DOCK4: variants seen among roughly 807,000 people sequenced by gnomAD.
The protein encoded by DOCK4 is dedicator of cytokinesis 4.
Under a neutral mutation model 268.1 loss-of-function variants are expected in DOCK4, and 97 were observed. The ratio of observed to expected loss-of-function variants is 0.36; its 90% CI spans 0.31 to 0.43. DOCK4 has a LOEUF of 0.43. Ranked by LOEUF, DOCK4 falls within the 20% of genes least tolerant of loss-of-function variation. The pLI is 1.00. For missense variants in DOCK4, 2,145 were observed against 2,455.7 expected (o/e 0.87, Z 2.67); for synonymous variants, 954 against 887.2 (o/e 1.08, Z -1.34).
At chr7:112,094,512 T>C (rs1270091299) in intron 1 of DOCK4, among the ~76,000 whole-genome samples, 1 of 152,176 alleles carries the variant, frequency 6.6e-6, no homozygotes, top group East Asian at 1.9e-4. Context: ...TGTAGCAAAC[T>C]TGAAATTCAA....
At chr7:111,888,457 T>C (rs1259004863) in intron 16 of DOCK4, among the ~76,000 whole-genome samples, 1 of 151,594 alleles carries the variant, frequency 6.6e-6, no homozygotes, top group Non-Finnish European at 1.5e-5. Context: ...GGTCAGAATA[T>C]TGGGAGTTTA....
At chr7:111,729,989 G>A (rs1319216207) in intron 52 of DOCK4, among the ~76,000 whole-genome samples, 1 of 152,066 alleles carries the variant, frequency 6.6e-6, no homozygotes, top group African/African-American at 2.4e-5. Flanking sequence ...TAGGAGTTCT[G>A]GCCACAATGG....
intron 8 of DOCK4, among the ~76,000 whole-genome samples, chr7:111,976,269 TTATATATA>T (rs60146972): frequency 0.13 from 4,148 of 32,754 alleles, 362 homozygotes; most frequent in Admixed American, 0.16. Flanking sequence ...TGTGTGTCTA[TTATATATA>T]TATATATATA....
intron 8 of DOCK4, among the ~76,000 whole-genome samples, chr7:111,948,745 C>T (rs1304264235): frequency 1.3e-5 from 2 of 151,892 alleles, no homozygotes; most frequent in East Asian, 3.9e-4. Flanking sequence ...CAGGTGTGCA[C>T]CACCACGCCT....
chr7:111,780,227 G>C (rs115642807), intron 35 of DOCK4, among the ~76,000 whole-genome samples: 2 of 152,060 alleles, frequency 1.3e-5, no homozygotes, highest in African/African-American at 2.4e-5. Flanking sequence ...TTCTAACTTT[G>C]AGACACTGAT....
chr7:111,728,822 C>T, intron 52 of DOCK4, 102 bp from the exon 53 acceptor site: 11 of 1,153,860 alleles, frequency 9.5e-6, no homozygotes, highest in East Asian at 2.7e-5. Context: ...GCCCCCAGCA[C>T]CCCCAAAGCC....
chr7:111,929,679 T>A (rs1257451906), intron 12 of DOCK4, among the ~76,000 whole-genome samples: 1 of 151,622 alleles, frequency 6.6e-6, no homozygotes, highest in African/African-American at 2.4e-5. Flanking sequence ...CACCATATAT[T>A]TCCTGAATAG....
intron 1 of DOCK4, among the ~76,000 whole-genome samples, chr7:112,164,054 T>A (rs956355297): frequency 6.6e-6 from 1 of 151,738 alleles, no homozygotes; most frequent in African/African-American, 2.4e-5. Flanking sequence ...AAGGCTAAGG[T>A]GGAGAATTGC....
chr7:112,138,467 G>A (rs1814569720), intron 1 of DOCK4, among the ~76,000 whole-genome samples: 1 of 152,136 alleles, frequency 6.6e-6, no homozygotes, highest in Admixed American at 6.6e-5. Context: ...GAAGAAGAAT[G>A]GCCAAGAAAG....
chr7:112,102,123 G>A (rs370382445), intron 1 of DOCK4, among the ~76,000 whole-genome samples: 1 of 152,068 alleles, frequency 6.6e-6, no homozygotes, highest in Admixed American at 6.6e-5. Context: ...CTCTCCGGCC[G>A]ACCTCCCTCG....
intron 12 of DOCK4, among the ~76,000 whole-genome samples, chr7:111,924,413 T>C (rs970484936): frequency 2.0e-5 from 3 of 152,152 alleles, no homozygotes; most frequent in African/African-American, 4.8e-5. Flanking sequence ...AGATACCATA[T>C]ACCTTGACTG....
intron 1 of DOCK4, among the ~76,000 whole-genome samples, chr7:112,175,448 T>G (rs1451740842): frequency 6.6e-6 from 1 of 152,208 alleles, no homozygotes; most frequent in Non-Finnish European, 1.5e-5. Flanking sequence ...TATCTTAAGG[T>G]AAAATGTTTT....
intron 22 of DOCK4, among the ~76,000 whole-genome samples, chr7:111,867,751 A>T (rs1456770124): frequency 1.3e-5 from 2 of 152,164 alleles, no homozygotes; most frequent in Non-Finnish European, 2.9e-5. Context: ...AGCTGATGCA[A>T]ACCAATAGCC....
intron 35 of DOCK4, among the ~76,000 whole-genome samples, chr7:111,781,256 C>T (rs1413924925): frequency 3.3e-5 from 5 of 152,114 alleles, no homozygotes; most frequent in Admixed American, 2.0e-4. Context: ...TGAGGTAGAA[C>T]CAGAGTTAAG....
intron 20 of DOCK4, 83 bp downstream of exon 20, chr7:111,871,907 T>C: frequency 8.7e-7 from 1 of 1,150,476 alleles, no homozygotes; most frequent in South Asian, 1.6e-5. Context: ...CACTCCCTTT[T>C]AAATTTTCCT....
intron 1 of DOCK4, among the ~76,000 whole-genome samples, chr7:112,071,590 A>T (rs2135671108): frequency 6.6e-6 from 1 of 152,368 alleles, no homozygotes; most frequent in African/African-American, 2.4e-5. Flanking sequence ...ATTCTATTCC[A>T]ATAGGAATGC....
chr7:112,182,441 G>A (rs1349567970), intron 1 of DOCK4, among the ~76,000 whole-genome samples: 1 of 152,204 alleles, frequency 6.6e-6, no homozygotes, highest in Non-Finnish European at 1.5e-5. Flanking sequence ...GAATAGGAAA[G>A]GATCTGAGAG....
chr7:112,158,275 T>A (rs939834818), intron 1 of DOCK4, among the ~76,000 whole-genome samples: 1 of 152,214 alleles, frequency 6.6e-6, no homozygotes, highest in Non-Finnish European at 1.5e-5. Flanking sequence ...ATGGACTTGG[T>A]ACTACTCATG....
intron 44 of DOCK4, among the ~76,000 whole-genome samples, chr7:111,743,352 C>T (rs1487391833): frequency 6.6e-6 from 1 of 152,198 alleles, no homozygotes; most frequent in African/African-American, 2.4e-5. Context: ...TCAGGTCAAA[C>T]AGGACTGACC....
Sources: allele counts gnomAD v4.1 joint callset (sites outside exome capture counted in the v4.1 genomes callset), GRCh38; gene constraint gnomAD v4.1.1; transcripts MANE v1.5; gene names NCBI Gene and HGNC (gene_info 2026-07-23, HGNC 2026-07-21).